LYZL4: variants seen among roughly 807,000 people sequenced by gnomAD.
LYZL4 encodes lysozyme like 4, also known as lysozyme-like protein 4.
LYZL4 carries 13 observed loss-of-function variants against 17.6 expected under a neutral mutation model. That is an observed-to-expected ratio of 0.74 (90% CI 0.48 to 1.18). The LOEUF (loss-of-function observed/expected upper bound fraction) is 1.18, where lower values mean the gene tolerates loss of function less well. Among genes scored for constraint, LYZL4 ranks in the 50% most tolerant of loss-of-function variants. The pLI, the probability that LYZL4 is intolerant of heterozygous loss-of-function variation, is 0.00. For missense variants in LYZL4, 174 were observed against 188.2 expected (o/e 0.92, Z 0.44); for synonymous variants, 64 against 67.7 (o/e 0.95, Z 0.27).
downstream of LYZL4, among the ~76,000 whole-genome samples, chr3:42,393,861 G>A (rs988563404): frequency 6.6e-6 from 1 of 152,044 alleles, no homozygotes; most frequent in Admixed American, 6.5e-5. Context: ...GCGTGATCTC[G>A]GCTCACTGCA....
chr3:42,369,540 A>G, the LYZL4 span, among the ~76,000 whole-genome samples: 2 of 152,170 alleles, frequency 1.3e-5, no homozygotes, highest in Non-Finnish European at 2.9e-5. Flanking sequence ...TTTATGTTTG[A>G]ACTAGAGAGC....
At chr3:42,395,510 C>T (rs994720143), downstream of LYZL4, among the ~76,000 whole-genome samples, 3 of 152,098 alleles carry the variant, frequency 2.0e-5, no homozygotes, top group Non-Finnish European at 2.9e-5. Context: ...TGCACACACA[C>T]GAAAGCAGGG....
At chr3:42,396,378 A>G (rs1698549497), downstream of LYZL4, among the ~76,000 whole-genome samples, 3 of 152,240 alleles carry the variant, frequency 2.0e-5, no homozygotes, top group African/African-American at 7.2e-5. Flanking sequence ...AGGTGTGTCC[A>G]GGAAGCCCAG....
At chr3:42,386,880 C>A in the LYZL4 span, among the ~76,000 whole-genome samples, 1 of 152,046 alleles carries the variant, frequency 6.6e-6, no homozygotes, top group Non-Finnish European at 1.5e-5. Flanking sequence ...ATAGAAGTAA[C>A]CAAGTTGGCC....
the LYZL4 span, among the ~76,000 whole-genome samples, chr3:42,390,354 G>C: frequency 1.3e-5 from 2 of 152,178 alleles, no homozygotes; most frequent in African/African-American, 4.8e-5. Flanking sequence ...GTGAACAAAC[G>C]AAGTGGCTAT....
At chr3:42,399,002 A>G (rs941214887) in intron 4 of LYZL4, among the ~76,000 whole-genome samples, 3 of 152,250 alleles carry the variant, frequency 2.0e-5, no homozygotes, top group African/African-American at 7.2e-5. Flanking sequence ...AACATGAAGA[A>G]AAAAACCATT....
the LYZL4 span, among the ~76,000 whole-genome samples, chr3:42,388,149 C>A: frequency 3.3e-5 from 5 of 152,162 alleles, no homozygotes; most frequent in Admixed American, 3.3e-4. Flanking sequence ...GAAGAAAAAA[C>A]AAAAGGGGAG....
At chr3:42,370,645 T>G in the LYZL4 span, among the ~76,000 whole-genome samples, 1 of 152,152 alleles carries the variant, frequency 6.6e-6, no homozygotes, top group African/African-American at 2.4e-5. Flanking sequence ...ACTAATACAC[T>G]GCTCATTACT....
chr3:42,376,969 G>T, the LYZL4 span, among the ~76,000 whole-genome samples: 3 of 152,264 alleles, frequency 2.0e-5, no homozygotes, highest in East Asian at 3.9e-4. Context: ...GCAAAAGCAA[G>T]GATTTATTAA....
At chr3:42,402,244 T>C (rs1698668880) in intron 4 of LYZL4, among the ~76,000 whole-genome samples, 1 of 150,208 alleles carries the variant, frequency 6.7e-6, no homozygotes, top group African/African-American at 2.4e-5. Flanking sequence ...AGTTCCAGGC[T>C]ACAGTGAGCT....
chr3:42,368,741 A>G, the LYZL4 span, among the ~76,000 whole-genome samples: 5 of 152,186 alleles, frequency 3.3e-5, no homozygotes, highest in African/African-American at 1.2e-4. Context: ...CTCTAACTGC[A>G]TTCTAACCAA....
downstream of LYZL4, among the ~76,000 whole-genome samples, chr3:42,394,796 G>A (rs1559452629): frequency 1.3e-5 from 2 of 152,216 alleles, no homozygotes; most frequent in Admixed American, 1.3e-4. Flanking sequence ...GCCCATTAGA[G>A]GATGGTGAGC....
chr3:42,385,157 G>T, the LYZL4 span, among the ~76,000 whole-genome samples: 1 of 150,556 alleles, frequency 6.6e-6, no homozygotes, highest in African/African-American at 2.5e-5. Context: ...CCTCTCTCAG[G>T]ATTTGTAAAG....
At chr3:42,395,254 G>A (rs1387373211), downstream of LYZL4, among the ~76,000 whole-genome samples, 1 of 152,162 alleles carries the variant, frequency 6.6e-6, no homozygotes, top group African/African-American at 2.4e-5. Context: ...TTTGGATCTT[G>A]CCTGCCTTTC....
chr3:42,403,999 A>T (rs371592786), intron 4 of LYZL4, 47 bp downstream of exon 4: 1 of 1,316,930 alleles, frequency 7.6e-7, no homozygotes, highest in Non-Finnish European at 1.1e-6. Flanking sequence ...ATTAGAGATC[A>T]TGAGTGAAAG....
chr3:42,361,954 T>G, the LYZL4 span, among the ~76,000 whole-genome samples: 1 of 152,196 alleles, frequency 6.6e-6, no homozygotes, highest in African/African-American at 2.4e-5. Context: ...TAGGGTTCCC[T>G]TTTGTTGTAT....
At chr3:42,368,959 C>T in the LYZL4 span, among the ~76,000 whole-genome samples, 2 of 152,200 alleles carry the variant, frequency 1.3e-5, no homozygotes, top group Admixed American at 6.5e-5. Flanking sequence ...ATTCTTTACT[C>T]GTTTTTCACT....
At chr3:42,401,595 A>G (rs546105495) in intron 4 of LYZL4, among the ~76,000 whole-genome samples, 148 of 152,332 alleles carry the variant, frequency 9.7e-4, no homozygotes, top group Non-Finnish European at 1.7e-3. Context: ...ATCCTCAATA[A>G]GATGTCACCA....
intron 1 of LYZL4, chr3:42,407,544 C>G: frequency 2.5e-6 from 1 of 400,172 alleles, no homozygotes; most frequent in Non-Finnish European, 4.6e-6. Context: ...CTCCCAACCC[C>G]AATTCTTTCC....
Sources: gnomAD v4.1 joint callset for allele counts (sites outside exome capture counted in the v4.1 genomes callset) on GRCh38, gnomAD v4.1.1 for gene constraint, MANE v1.5 for transcripts, NCBI Gene and HGNC (gene_info 2026-07-23, HGNC 2026-07-21) for gene names.